Variants in ZFAND3 observed in about 807,000 individuals in gnomAD.
ZFAND3 encodes the protein zinc finger AN1-type containing 3.
A neutral mutation model predicts 29.6 loss-of-function variants in ZFAND3; 10 were observed. The ratio of observed to expected loss-of-function variants is 0.34; its 90% CI spans 0.21 to 0.57. ZFAND3 has a LOEUF of 0.57. Ranked by LOEUF, ZFAND3 falls within the 20% of genes least tolerant of loss-of-function variation. The pLI is 0.86. For missense variants in ZFAND3, 230 were observed against 304.5 expected (o/e 0.76, Z 1.82); for synonymous variants, 128 against 112.6 (o/e 1.14, Z -0.87).
chr6:38,116,212 A>G (rs2127484648), intron 4 of ZFAND3, among the ~76,000 whole-genome samples: 1 of 152,320 alleles, frequency 6.6e-6, no homozygotes, highest in South Asian at 2.1e-4. Flanking sequence ...TAACCAATAC[A>G]GGCAGTAAGC....
chr6:37,919,315 A>G (rs976393824), intron 1 of ZFAND3, among the ~76,000 whole-genome samples: 1 of 152,320 alleles, frequency 6.6e-6, no homozygotes, highest in East Asian at 1.9e-4. Flanking sequence ...TTTAAAGGTC[A>G]TGGATTATAT....
chr6:37,891,077 C>T (rs183959381), intron 1 of ZFAND3, among the ~76,000 whole-genome samples: 1 of 152,206 alleles, frequency 6.6e-6, no homozygotes, highest in Non-Finnish European at 1.5e-5. Flanking sequence ...TATCACTTCT[C>T]TATCCCCCAA....
intron 4 of ZFAND3, among the ~76,000 whole-genome samples, chr6:38,100,622 T>C (rs1377127854): frequency 2.6e-5 from 4 of 152,190 alleles, no homozygotes; most frequent in Non-Finnish European, 5.9e-5. Flanking sequence ...CATGTTGTCA[T>C]GTACTTTCCC....
intron 2 of ZFAND3, among the ~76,000 whole-genome samples, chr6:38,042,442 T>C (rs1484148954): frequency 6.6e-6 from 1 of 151,192 alleles, no homozygotes; most frequent in Non-Finnish European, 1.5e-5. Flanking sequence ...GCCTCTTGAG[T>C]AGCTGGGATT....
intron 2 of ZFAND3, among the ~76,000 whole-genome samples, chr6:38,051,087 G>T (rs536901321): frequency 6.6e-6 from 1 of 152,246 alleles, no homozygotes; most frequent in East Asian, 1.9e-4. Context: ...AGGGAAGCAA[G>T]AACGAATAGG....
At chr6:37,831,884 T>A (rs2127368438) in intron 1 of ZFAND3, among the ~76,000 whole-genome samples, 1 of 152,312 alleles carries the variant, frequency 6.6e-6, no homozygotes, top group East Asian at 1.9e-4. Context: ...ACTGTTGAAC[T>A]TAAGGATCAG....
At position 38,153,944 on chromosome 6, in the gene ZFAND3, T is replaced by A. The variant is rs1766291801; in HGVS notation, c.*1555T>A. ...AAATGGTTCAACTCTGTCTGCAAATTAACAGCTGAACACCTGCAACTGCAA... is the reference window on the plus strand; with the variant it reads ...AAATGGTTCAACTCTGTCTGCAAATAAACAGCTGAACACCTGCAACTGCAA... On this transcript the variant is annotated 3_prime_UTR_variant, in exon 6 of 6. Transcript: ENST00000287218. The A allele has an allele frequency of 2.0e-6, 2 of 985,300 alleles. No homozygotes were observed. Among genetic ancestry groups the A allele is most frequent in the Admixed American group, 1.2e-4 (2 of 16,270 alleles). 61.0% of individuals were successfully genotyped at this position (985,300 alleles called of 1,614,324 possible).
rs183853157 is a variant in ZFAND3 at position 38,052,958 on chromosome 6, C to T, written c.113-8635C>T. Among the ~76,000 whole-genome samples, 6 of 150,618 alleles carry T rather than the reference C, an allele frequency of 4.0e-5. No homozygotes were observed. The East Asian group carries it at 5.9e-4, about 15-fold the overall frequency. On this transcript the variant is annotated intron_variant, in intron 2 of 5. Coordinates refer to ENST00000287218, the MANE Select transcript of ZFAND3 (RefSeq NM_021943.3). The stretch of plus-strand genomic sequence containing the variant: ...CCAAAGCAGGAGAATTGCTCGAACC[C>T]GGGAGGCGGAGGTTGCAGTAAGCCA...
At chr6:37,865,407 T>A (rs1319390888) in intron 1 of ZFAND3, among the ~76,000 whole-genome samples, 1 of 152,140 alleles carries the variant, frequency 6.6e-6, no homozygotes, top group Non-Finnish European at 1.5e-5. Flanking sequence ...GTTGGTTGAA[T>A]CCATGGATGC....
chr6:38,097,858 A>T (rs1765012936), intron 4 of ZFAND3, among the ~76,000 whole-genome samples: 2 of 152,210 alleles, frequency 1.3e-5, no homozygotes, highest in South Asian at 4.1e-4. Context: ...GAGGCCAGTC[A>T]GATTGGAGAA....
intron 1 of ZFAND3, among the ~76,000 whole-genome samples, chr6:37,894,522 C>T (rs1356233805): frequency 4.0e-5 from 6 of 151,894 alleles, no homozygotes; most frequent in Admixed American, 1.3e-4. Flanking sequence ...CCGGTGTGTG[C>T]CTTACTAATT....
At chr6:37,997,977 T>A (rs1762880230) in intron 2 of ZFAND3, among the ~76,000 whole-genome samples, 1 of 152,178 alleles carries the variant, frequency 6.6e-6, no homozygotes, top group Admixed American at 6.5e-5. Flanking sequence ...ATATTGAAAT[T>A]TCCTTTGAAA....
Position 37,868,468 on chromosome 6 carries a change from A to C in ZFAND3, c.71+48452A>C, listed in dbSNP as rs185033185. 3.1e-3 allele frequency among the ~76,000 whole-genome samples: 470 copies of C among 152,302 alleles called. 4 individuals are homozygous for C. The highest frequency in any genetic ancestry group is 0.011 in the African/African-American group (447 of 41,572). ...AGAGGACATGGCCATTGTAGTGGGA[A>C]TATGGGGTACATAGTGGAGGGTACT... On this transcript the variant is annotated intron_variant, in intron 1 of 5. Transcript: ENST00000287218.
intron 2 of ZFAND3, among the ~76,000 whole-genome samples, chr6:37,955,365 G>C (rs1762069939): frequency 6.6e-6 from 1 of 152,174 alleles, no homozygotes. Flanking sequence ...CTGAAAAATA[G>C]AAAATCTCAA....
intron 5 of ZFAND3, among the ~76,000 whole-genome samples, chr6:38,126,864 T>C (rs1013715480): frequency 7.2e-5 from 11 of 152,190 alleles, no homozygotes; most frequent in Admixed American, 2.6e-4. Flanking sequence ...AATTTATTCC[T>C]AAATATTTTA....
At chr6:37,977,828 T>TTTTCTTCCTTCC (rs70981515) in intron 2 of ZFAND3, among the ~76,000 whole-genome samples, 6,181 of 76,410 alleles carry the variant, frequency 0.081, 1,167 homozygotes, top group Admixed American at 0.1. Flanking sequence ...GTAAAATGCT[T>TTTTCTTCCTTCC]TTCCTTCCTT....
At chr6:37,838,676 ATAC>A (rs1187370041) in intron 1 of ZFAND3, among the ~76,000 whole-genome samples, 3 of 152,182 alleles carry the variant, frequency 2.0e-5, no homozygotes, top group Non-Finnish European at 2.9e-5. Flanking sequence ...TGGCTGTATA[ATAC>A]TCCATGTGGA....
In ZFAND3 at chr6:38,089,527, T is replaced by G. The variant is rs1764823598; in HGVS notation, c.361+7070T>G. The stretch of plus-strand genomic sequence containing the variant: ...TCTGGAAGTTAAGAGAAGATTGATG[T>G]GCTGAACACTTTCACATCAGTGTTT... On this transcript the variant is annotated intron_variant, in intron 4 of 5. Coordinates refer to ENST00000287218, the MANE Select transcript of ZFAND3 (RefSeq NM_021943.3). Among the ~76,000 whole-genome samples the G allele has an allele frequency of 2.0e-5, 3 of 152,246 alleles. No homozygotes were observed. The South Asian group carries it at 6.2e-4, about 32-fold the overall frequency.
At chr6:38,121,460 CAG>C (rs1343970125) in intron 5 of ZFAND3, among the ~76,000 whole-genome samples, 3 of 152,192 alleles carry the variant, frequency 2.0e-5, no homozygotes, top group African/African-American at 4.8e-5. Context: ...ATGTTAAAAA[CAG>C]ATTGTTGGGA....
Sources: gnomAD v4.1 joint callset for allele counts (sites outside exome capture counted in the v4.1 genomes callset) on GRCh38, gnomAD v4.1.1 for gene constraint, MANE v1.5 for transcripts, NCBI Gene and HGNC (gene_info 2026-07-23, HGNC 2026-07-21) for gene names.